BAZ1B: variants seen among roughly 807,000 people sequenced by gnomAD.
The protein encoded by BAZ1B is tyrosine-protein kinase BAZ1B.
BAZ1B carries 22 observed loss-of-function variants against 153.8 expected under a neutral mutation model. The observed-to-expected ratio is 0.14, with a 90% CI of 0.10 to 0.20. The LOEUF (loss-of-function observed/expected upper bound fraction) is 0.20. Among genes scored for constraint, BAZ1B ranks in the 10% least tolerant of loss-of-function variants. The pLI is 1.00. For synonymous variants in BAZ1B, 676 were observed against 633.4 expected (o/e 1.07, Z -1.01); for missense variants, 1,325 against 1,799.3 (o/e 0.74, Z 4.77).
rs782136256 is a variant in BAZ1B, at chr7:73,459,580, T to A, written c.3388A>T (p.Thr1130Ser). 30 of 1,613,782 alleles carry A rather than the reference T, an allele frequency of 1.9e-5. No homozygotes were observed. The Admixed American group carries it at 4.7e-4, about 25-fold the overall frequency. Residue 1130 changes from threonine (T) to serine (S), a missense_variant, in exon 13 of 20, where the codon ACT becomes TCT. Transcript: ENST00000339594. ...RKLQSEDSAK[T>S]EEVDEEKKMV... is the part of the protein sequence containing the mutation. ...TTCTTCTCTTCATCCACTTCCTCAGTTTTTGCTGAATCTTCACTTTGGAGT... is the reference window on the plus strand; with the variant it reads ...TTCTTCTCTTCATCCACTTCCTCAGATTTTGCTGAATCTTCACTTTGGAGT...
intron 17 of BAZ1B, among the ~76,000 whole-genome samples, chr7:73,443,460 TC>T (rs1787705526): frequency 6.6e-6 from 1 of 152,196 alleles, no homozygotes; most frequent in Admixed American, 6.5e-5. Flanking sequence ...CCTTATGATC[TC>T]CCAAATGGCC....
rs1554567635 is a variant in BAZ1B, at chr7:73,449,567, T to C, written c.3703A>G (p.Thr1235Ala). 2 of 1,613,442 alleles carry C rather than the reference T, an allele frequency of 1.2e-6. No individual in the cohort carries two copies. Among genetic ancestry groups the C allele is most frequent in the African/African-American group, 2.7e-5 (2 of 75,026 alleles). Reference protein sequence around the residue: ...EWQCPACQPATARRNSRGRNY... With the variant: ...EWQCPACQPAAARRNSRGRNY... The stretch of plus-strand genomic sequence containing the variant: ...CTGCCACGGGAGTTGCGCCTGGCAG[T>C]AGCGGGCTGGCAAGCTGGGCACTGC... Residue 1235 changes from threonine to alanine, a missense_variant, in exon 15 of 20, where the codon ACT becomes GCT. Around this residue, in one of 9 missense-constraint regions of BAZ1B, gnomAD observed 271 missense variants for 337.2 expected, o/e 0.80. Transcript: ENST00000339594.
At chr7:73,512,207 A>G (rs1790613844) in intron 1 of BAZ1B, among the ~76,000 whole-genome samples, 1 of 151,940 alleles carries the variant, frequency 6.6e-6, no homozygotes, top group African/African-American at 2.4e-5. Context: ...AAGCTTGTCC[A>G]ACCTTTGTCC....
Position 73,510,846 on chromosome 7 carries a change from A to G in BAZ1B, c.114T>C (p.Tyr38=). ...CACTGTACCTTTCCAAGCGGGCTTC[A>G]TACTCTCTGTTGGCAGTAGTTCAGG... ...TQEAFRTREE[Y]EARLERYSER... Residue 38 remains tyrosine (Y), a synonymous_variant, in exon 2 of 20, where the codon TAT becomes TAC. Coordinates refer to ENST00000339594, the MANE Select transcript of BAZ1B (RefSeq NM_032408.4). 1 of 1,614,064 alleles carries G rather than the reference A, an allele frequency of 6.2e-7. No individual in the cohort carries two copies. Among genetic ancestry groups the G allele is most frequent in the South Asian group, 1.1e-5 (1 of 91,086 alleles).
chr7:73,469,880 C>CT (rs1259724677), intron 8 of BAZ1B, among the ~76,000 whole-genome samples: 1 of 152,090 alleles, frequency 6.6e-6, no homozygotes. Context: ...TAATTTCTTT[C>CT]TTTTTTAAAT....
At chr7:73,503,089 C>T (rs1301105790) in intron 3 of BAZ1B, among the ~76,000 whole-genome samples, 8 of 152,074 alleles carry the variant, frequency 5.3e-5, no homozygotes, top group African/African-American at 1.2e-4. Flanking sequence ...AGATTTCCTG[C>T]GGCAAAACTG....
chr7:73,499,308 G>A (rs573155888), intron 3 of BAZ1B, among the ~76,000 whole-genome samples: 15 of 151,972 alleles, frequency 9.9e-5, no homozygotes, highest in Admixed American at 9.2e-4. Context: ...GATTACAGGC[G>A]TGAGCCACGG....
chr7:73,474,397 C>T (rs187894656), intron 7 of BAZ1B, among the ~76,000 whole-genome samples: 123 of 152,268 alleles, frequency 8.1e-4, no homozygotes, highest in Non-Finnish European at 1.6e-3. Flanking sequence ...AACACCAAAT[C>T]TATAAGTAAC....
rs941803335 is a variant in BAZ1B, at chr7:73,522,212, C to A, written c.-279G>T. 5.4e-5 allele frequency: 21 copies of A among 389,508 alleles called. No homozygotes were observed. The highest frequency in any genetic ancestry group is 6.4e-4 in the Middle Eastern group (1 of 1,562). The allele number at this position is 389,508 out of a possible 1,614,324, so 24.1% of individuals were successfully genotyped here. Reference sequence around the variant, plus strand: ...GTCCCGGCGGCCGGCAGTCACGACTCCTCCTCAGCAGCACCGGAGGAAATT... The same window carrying A: ...GTCCCGGCGGCCGGCAGTCACGACTACTCCTCAGCAGCACCGGAGGAAATT... On this transcript the variant is annotated 5_prime_UTR_variant, in exon 1 of 20. Transcript: ENST00000339594.
intron 5 of BAZ1B, 32 bp downstream of exon 5, chr7:73,492,768 T>G: frequency 6.4e-7 from 1 of 1,556,164 alleles, no homozygotes; most frequent in Non-Finnish European, 8.7e-7. Context: ...AAAGAACATC[T>G]ATCACATGTA....
At chr7:73,518,795 C>A (rs782780190) in intron 1 of BAZ1B, among the ~76,000 whole-genome samples, 4 of 152,090 alleles carry the variant, frequency 2.6e-5, no homozygotes, top group African/African-American at 7.2e-5. Flanking sequence ...ATTATCATAC[C>A]CTCAATAAAT....
At chr7:73,515,531 CTTTTTTTTTTTTTTT>C (rs869065388) in intron 1 of BAZ1B, among the ~76,000 whole-genome samples, 5 of 111,424 alleles carry the variant, frequency 4.5e-5, no homozygotes, top group African/African-American at 1.7e-4. Flanking sequence ...AGCCTTGTTC[CTTTTTTTTTTTTTTT>C]TTTTTTTTTG....
chr7:73,463,714 T>TTG (rs1554570748), intron 11 of BAZ1B, among the ~76,000 whole-genome samples: 1 of 151,918 alleles, frequency 6.6e-6, no homozygotes, highest in African/African-American at 2.4e-5. Flanking sequence ...TCTTTTTTTT[T>TTG]TTGTTGTTTT....
intron 1 of BAZ1B, among the ~76,000 whole-genome samples, chr7:73,511,281 TA>T (rs1166177557): frequency 1.3e-5 from 2 of 148,402 alleles, no homozygotes; most frequent in Non-Finnish European, 3.0e-5. Flanking sequence ...CTAAAAAAAA[TA>T]AAAAAAAATG....
intron 5 of BAZ1B, among the ~76,000 whole-genome samples, chr7:73,490,495 T>C (rs62465150): frequency 0.049 from 7,417 of 152,274 alleles, 209 homozygotes; most frequent in Non-Finnish European, 0.066. Context: ...ACTATCTCTT[T>C]CTTATTTGCA....
rs2116210062 is a variant in BAZ1B, at chr7:73,442,813, G to A, written c.4006C>T (p.Arg1336Trp). The change falls in exon 18 of 20, where the codon CGG (arginine) becomes TGG (tryptophan). Residue 1336 changes from arginine (R) to tryptophan (W), a missense_variant. Coordinates refer to ENST00000339594, the MANE Select transcript of BAZ1B (RefSeq NM_032408.4). ...EVDELVLQTK[R>W]SSRRQSLELQ... ...TCCAGGCTTTGCCTCCGGGAGCTCCGCTTGGTCTGAAGCACCTGGCAGGAA... is the reference window on the plus strand; with the variant it reads ...TCCAGGCTTTGCCTCCGGGAGCTCCACTTGGTCTGAAGCACCTGGCAGGAA... The A allele has an allele frequency of 4.3e-6, 7 of 1,613,646 alleles. No homozygotes were observed. Among genetic ancestry groups the A allele is most frequent in the Middle Eastern group, 1.7e-4 (1 of 6,060 alleles).
chr7:73,476,998 T>C lies in BAZ1B; in HGVS notation c.2463A>G (p.Lys821=), dbSNP rs1554572889. 6.2e-7 allele frequency: 1 copy of C among 1,614,244 alleles called. No individual in the cohort carries two copies. The change falls in exon 7 of 20, where the codon AAA becomes AAG. Residue 821 remains lysine (K), a synonymous_variant. Coordinates refer to ENST00000339594, the MANE Select transcript of BAZ1B (RefSeq NM_032408.4). ...VENGLGKTDR[K]KEIVKFEPQV... Reference sequence around the variant, plus strand: ...GGGGCTCAAACTTCACAATTTCTTTTTTCCTATCAGTTTTGCCTAACCCAT... The same window carrying C: ...GGGGCTCAAACTTCACAATTTCTTTCTTCCTATCAGTTTTGCCTAACCCAT...
intron 13 of BAZ1B, among the ~76,000 whole-genome samples, chr7:73,458,446 T>C (rs1788276807): frequency 6.6e-6 from 1 of 151,880 alleles, no homozygotes; most frequent in Admixed American, 6.6e-5. Context: ...GAGGCTGAGG[T>C]GGGCAGATGA....
At chr7:73,472,115 A>G (rs1181378323) in intron 7 of BAZ1B, among the ~76,000 whole-genome samples, 1 of 152,222 alleles carries the variant, frequency 6.6e-6, no homozygotes, top group African/African-American at 2.4e-5. Context: ...ACAGAGTATC[A>G]TCTTCTTTTC....
Sources: gnomAD v4.1 joint callset for allele counts (sites outside exome capture counted in the v4.1 genomes callset) on GRCh38, gnomAD v4.1.1 for gene constraint, gnomAD v4.1.1 regional missense constraint, MANE v1.5 for transcripts, NCBI Gene and HGNC (gene_info 2026-07-23, HGNC 2026-07-21) for gene names.